The following PDZD9 variants were observed in gnomAD, a reference collection of about 807,000 sequenced individuals.
PDZD9 encodes the protein PDZ domain containing 9.
Under a neutral mutation model 16.3 loss-of-function variants are expected in PDZD9, and 13 were observed. The observed-to-expected ratio is 0.80, with a 90% CI of 0.52 to 1.27. The LOEUF (loss-of-function observed/expected upper bound fraction) is 1.27, where lower values mean the gene tolerates loss of function less well. PDZD9 is among the 50% of genes most tolerant of loss of function. PDZD9 has a pLI of 0.00. For synonymous variants in PDZD9, 120 were observed against 111.0 expected (o/e 1.08, Z -0.51); for missense variants, 288 against 310.9 (o/e 0.93, Z 0.55).
At chr16:21,994,182 T>C (rs892952176) in intron 2 of PDZD9, among the ~76,000 whole-genome samples, 6 of 152,010 alleles carry the variant, frequency 3.9e-5, no homozygotes, top group South Asian at 2.1e-4. Flanking sequence ...GGTGACAGAG[T>C]GATACCCCAT....
At chr16:21,983,339 T>A, downstream of PDZD9, 2 of 570,562 alleles carry the variant, frequency 3.5e-6, no homozygotes, top group Non-Finnish European at 6.0e-6. Context: ...AATAAAACAT[T>A]CTGTTTAAGT....
At chr16:21,961,239 G>A in the PDZD9 span, 2 of 367,108 alleles carry the variant, frequency 5.4e-6, no homozygotes, top group Admixed American at 3.0e-5. Context: ...AGGAATATCT[G>A]GTAATATTGA....
At chr16:21,966,035 TG>T in the PDZD9 span, among the ~76,000 whole-genome samples, 1 of 151,212 alleles carries the variant, frequency 6.6e-6, no homozygotes, top group Non-Finnish European at 1.5e-5. Context: ...TAATAGGGGC[TG>T]GGCCCAGTGG....
rs908253080 is a variant in PDZD9, at chr16:21,988,095, A to G, written c.401+507T>C. Among the ~76,000 whole-genome samples, 4 of 142,942 alleles carry G rather than the reference A, an allele frequency of 2.8e-5. No homozygotes were observed. In the Admixed American group the frequency reaches 3.0e-4, roughly 11 times the overall value. 93.8% of individuals were successfully genotyped at this position (142,942 alleles called of 152,430 possible). ...CGATCTCGGCTCACTGCAACCTCCG[A>G]CTCCCTGATTCGAGCGATTCTCCTG... is the stretch of plus-strand genomic sequence containing the variant. On this transcript the variant is annotated intron_variant, in intron 3 of 3. Coordinates refer to ENST00000424898, the MANE Select transcript of PDZD9 (RefSeq NM_001363519.1).
intron 1 of PDZD9, among the ~76,000 whole-genome samples, chr16:21,997,202 G>A (rs539611528): frequency 1.3e-5 from 2 of 152,276 alleles, no homozygotes; most frequent in South Asian, 4.1e-4. Context: ...ATATATGTTG[G>A]ATAACAAACT....
the PDZD9 span, chr16:21,972,222 A>G: frequency 5.2e-5 from 75 of 1,429,536 alleles, no homozygotes; most frequent in Non-Finnish European, 6.8e-5. Context: ...ACAAACACAC[A>G]GAAAATCTTT....
the PDZD9 span, chr16:21,962,645 AAC>A: frequency 1.9e-6 from 3 of 1,591,632 alleles, no homozygotes; most frequent in Non-Finnish European, 2.6e-6. Flanking sequence ...ACTGCTCAAA[AAC>A]ACTGCTTACC....
At chr16:21,959,030 G>C in the PDZD9 span, among the ~76,000 whole-genome samples, 1 of 152,316 alleles carries the variant, frequency 6.6e-6, no homozygotes, top group African/African-American at 2.4e-5. Context: ...AATGTTAACA[G>C]TTATCTGAAT....
the PDZD9 span, among the ~76,000 whole-genome samples, chr16:21,969,628 A>G: frequency 1.3e-5 from 2 of 152,348 alleles, no homozygotes; most frequent in East Asian, 3.9e-4. Context: ...AAGTAGTTGC[A>G]TGAGAATATC....
the PDZD9 span, chr16:21,965,498 C>CAGA: frequency 6.3e-7 from 1 of 1,594,310 alleles, no homozygotes; most frequent in Non-Finnish European, 8.5e-7. Flanking sequence ...AAAGTGACAT[C>CAGA]AGAGGAGGTA....
At chr16:21,994,388 G>A (rs980682582) in intron 2 of PDZD9, among the ~76,000 whole-genome samples, 18 of 152,206 alleles carry the variant, frequency 1.2e-4, no homozygotes, top group Admixed American at 7.2e-4. Context: ...TCACCATGGC[G>A]CCAGCCCATT....
intron 1 of PDZD9, 30 bp from the exon 2 acceptor site, chr16:21,996,531 C>A: frequency 6.6e-7 from 1 of 1,516,270 alleles, no homozygotes; most frequent in Non-Finnish European, 8.8e-7. Flanking sequence ...TTATTTCAGT[C>A]CTTCACCAAG....
At chr16:21,979,660 G>A (rs775928535), downstream of PDZD9, among the ~76,000 whole-genome samples, 29 of 152,212 alleles carry the variant, frequency 1.9e-4, no homozygotes, top group South Asian at 1.0e-3. Flanking sequence ...GCTTTCGAGT[G>A]AGTCAGTGAG....
chr16:21,978,356 A>T, the PDZD9 span, among the ~76,000 whole-genome samples: 1 of 152,298 alleles, frequency 6.6e-6, no homozygotes, highest in South Asian at 2.1e-4. Flanking sequence ...AGGATGATAA[A>T]CGTTTGAGGT....
chr16:21,970,802 T>G, the PDZD9 span, among the ~76,000 whole-genome samples: 1 of 152,138 alleles, frequency 6.6e-6, no homozygotes, highest in Non-Finnish European at 1.5e-5. Context: ...GCTGGACTGG[T>G]CTCGAACTCC....
chr16:21,958,413 A>G, the PDZD9 span: 11 of 835,266 alleles, frequency 1.3e-5, no homozygotes, highest in Non-Finnish European at 2.1e-5. Context: ...CTTAACTAAA[A>G]AGGATGCAGG....
intron 3 of PDZD9, among the ~76,000 whole-genome samples, chr16:21,986,811 A>G (rs1898887201): frequency 6.6e-6 from 1 of 152,202 alleles, no homozygotes; most frequent in African/African-American, 2.4e-5. Flanking sequence ...ACCTGTTTCT[A>G]GGAAGACCCC....
chr16:21,982,642 A>G (rs748225909), downstream of PDZD9, among the ~76,000 whole-genome samples: 2 of 152,140 alleles, frequency 1.3e-5, no homozygotes, highest in African/African-American at 4.8e-5. Flanking sequence ...AATTTTCACA[A>G]CAGCTATTAT....
At chr16:21,980,712 A>C, downstream of PDZD9, 1 of 1,612,426 alleles carries the variant, frequency 6.2e-7, no homozygotes, top group East Asian at 2.2e-5. Flanking sequence ...TAAGTAAATG[A>C]AAACTTAACG....
Sources: gnomAD v4.1 joint callset for allele counts (sites outside exome capture counted in the v4.1 genomes callset) on GRCh38, gnomAD v4.1.1 for gene constraint, MANE v1.5 for transcripts, NCBI Gene and HGNC (gene_info 2026-07-23, HGNC 2026-07-21) for gene names.